The following EIF4G2 variants were observed in gnomAD, a reference collection of about 807,000 sequenced individuals.
EIF4G2 encodes the protein eukaryotic translation initiation factor 4 gamma 2.
EIF4G2 carries 8 observed loss-of-function variants against 117.7 expected under a neutral mutation model. The observed-to-expected ratio is 0.07, with a 90% CI of 0.04 to 0.12. The LOEUF is 0.12. Ranked by LOEUF, EIF4G2 falls within the 10% of genes least tolerant of loss-of-function variation. The pLI, the probability that EIF4G2 is intolerant of heterozygous loss-of-function variation, is 1.00. For synonymous variants in EIF4G2, 413 were observed against 367.8 expected (o/e 1.12, Z -1.41); for missense variants, 812 against 1,086.2 (o/e 0.75, Z 3.55).
chr11:10,799,100 G>C lies in EIF4G2; in HGVS notation c.2550C>G (p.Arg850=), dbSNP rs1590038465. ...CCATGTCATAGAAGTGCACAAAAAAGCGAAGTAACATGCCTTAAAAAAAAA... is the reference window on the plus strand; with the variant it reads ...CCATGTCATAGAAGTGCACAAAAAACCGAAGTAACATGCCTTAAAAAAAAA... The change falls in exon 21 of 22, where the codon CGC becomes CGG. Residue 850 remains arginine, a synonymous_variant. Transcript: ENST00000339995. 6.4e-7 allele frequency: 1 copy of C among 1,558,350 alleles called. No individual in the cohort carries two copies. The highest frequency in any genetic ancestry group is 8.6e-7 in the Non-Finnish European group (1 of 1,160,542).
chr11:10,803,724 G>T lies in EIF4G2; in HGVS notation c.703-134C>A, dbSNP rs1260676500. 2 of 1,114,784 alleles carry T rather than the reference G, an allele frequency of 1.8e-6. No individual in the cohort carries two copies. The highest frequency in any genetic ancestry group is 2.4e-5 in the East Asian group (1 of 41,268). The allele number at this position is 1,114,784 out of a possible 1,614,324, so 69.1% of individuals were successfully genotyped here. A position where few individuals can be genotyped will look rare whatever the true frequency, so the allele number is the denominator to read the frequency against. Reference sequence around the variant, plus strand: ...CTAGTATAGGGCTTTCTACCAGTCTGGTTGATCAGTTCTAACTCTACTTTG... The same window carrying T: ...CTAGTATAGGGCTTTCTACCAGTCTTGTTGATCAGTTCTAACTCTACTTTG... On this transcript the variant is annotated intron_variant, in intron 8 of 21. Transcript: ENST00000339995. The surrounding 1 kb of genome is among the most constrained non-coding windows in gnomAD (Gnocchi z 4.0).
In EIF4G2 at chr11:10,797,893, G is replaced by T; in HGVS notation, c.2659-12C>A. On this transcript the variant is annotated splice_polypyrimidine_tract_variant and intron_variant, in intron 21 of 21. Coordinates refer to ENST00000339995, the MANE Select transcript of EIF4G2 (RefSeq NM_001418.4). This position sits in a 1 kb window ranked among gnomAD's most constrained non-coding sequence, Gnocchi z 4.5. ...AGCCACTGATTCACCTATAAATTAA[G>T]ATTTGTAAATTAAAATAGTTCATGA... 1.9e-6 allele frequency: 3 copies of T among 1,612,032 alleles called. No homozygotes were observed. The highest frequency in any genetic ancestry group is 2.5e-6 in the Non-Finnish European group (3 of 1,178,986).
At chr11:10,801,437 G>C (rs990417341) in intron 14 of EIF4G2, 5 of 683,612 alleles carry the variant, frequency 7.3e-6, no homozygotes, top group African/African-American at 7.2e-5. Flanking sequence ...TTGACAACCA[G>C]TTTTCTTGCT....
At chr11:10,806,617 A>T in intron 3 of EIF4G2, 1 of 541,440 alleles carries the variant, frequency 1.8e-6, no homozygotes, top group Non-Finnish European at 3.3e-6. Flanking sequence ...GGAAAAAAAT[A>T]ACAGCTTGAG....
intron 17 of EIF4G2, 41 bp downstream of exon 17, chr11:10,800,391 G>A (rs1475236631): frequency 6.2e-7 from 1 of 1,612,436 alleles, no homozygotes; most frequent in African/African-American, 1.3e-5. Context: ...TCGAATTTGA[G>A]TGGTAAGAGT....
intron 1 of EIF4G2, chr11:10,808,198 G>C: frequency 8.9e-7 from 1 of 1,123,804 alleles, no homozygotes; most frequent in Non-Finnish European, 1.1e-6. Context: ...CTCCTCTGCT[G>C]ACAAAAGGGG....
intron 21 of EIF4G2, chr11:10,798,760 T>C (rs1289475266): frequency 4.5e-6 from 2 of 441,234 alleles, no homozygotes; most frequent in Non-Finnish European, 7.9e-6. Flanking sequence ...TATAAGTAGC[T>C]ATACTCCTTG....
chr11:10,802,830 G>A (rs1293577675), intron 11 of EIF4G2, among the ~76,000 whole-genome samples, 200 bp downstream of exon 11: 1 of 152,194 alleles, frequency 6.6e-6, no homozygotes, highest in Non-Finnish European at 1.5e-5. Flanking sequence ...ATGCGCCACT[G>A]CACTCCAGCC....
At chr11:10,806,245 C>A (rs900858611) in intron 3 of EIF4G2, 198 bp from the exon 4 acceptor site, 4 of 695,102 alleles carry the variant, frequency 5.8e-6, no homozygotes, top group African/African-American at 1.8e-5. Context: ...ATTGCTGGGC[C>A]CACCCAGTTT....
At chr11:10,805,055 C>T (rs1847524695) in intron 4 of EIF4G2, 40 bp from the exon 5 acceptor site, 2 of 1,489,040 alleles carry the variant, frequency 1.3e-6, no homozygotes, top group Non-Finnish European at 1.9e-6. Context: ...TTAGCTAATA[C>T]ACAGAATTTG....
At chr11:10,808,572 A>G in intron 1 of EIF4G2, 133 bp downstream of exon 1, 2 of 986,086 alleles carry the variant, frequency 2.0e-6, no homozygotes, top group South Asian at 1.8e-5. Flanking sequence ...TGAAGCGCAG[A>G]GGAAATGCTA....
In EIF4G2 at chr11:10,800,840, A is replaced by C; in HGVS notation, c.1540-5T>G. On this transcript the variant is annotated splice_region_variant and splice_polypyrimidine_tract_variant and intron_variant, in intron 15 of 21. Coordinates refer to ENST00000339995, the MANE Select transcript of EIF4G2 (RefSeq NM_001418.4). The stretch of plus-strand genomic sequence containing the variant: ...TTTGAGACCAAGCTGAGGTGTCTAA[A>C]AAACAAGCAATGACAGACTTTTTTT... The C allele has an allele frequency of 6.2e-7, 1 of 1,613,948 alleles. No homozygotes were observed. The highest frequency in any genetic ancestry group is 8.5e-7 in the Non-Finnish European group (1 of 1,179,930).
Position 10,804,335 on chromosome 11 carries a change from G to A in EIF4G2, c.435C>T (p.Asn145=). Residue 145 remains asparagine, a synonymous_variant, in exon 6 of 22, where the codon AAC becomes AAT. Coordinates refer to ENST00000339995, the MANE Select transcript of EIF4G2 (RefSeq NM_001418.4). ...GACCCTCTGCTGCTGGGCCATCAAAGTTTGGTGCATCTTCTGCCAATCGCA... is the reference window on the plus strand; with the variant it reads ...GACCCTCTGCTGCTGGGCCATCAAAATTTGGTGCATCTTCTGCCAATCGCA... 1.2e-6 allele frequency: 2 copies of A among 1,614,184 alleles called. No individual in the cohort carries two copies. The highest frequency in any genetic ancestry group is 8.5e-7 in the Non-Finnish European group (1 of 1,180,014).
intron 1 of EIF4G2, chr11:10,807,750 C>G (rs760839597): frequency 7.0e-5 from 69 of 991,470 alleles, no homozygotes; most frequent in Non-Finnish European, 7.7e-5. Flanking sequence ...ACTGCCTTGA[C>G]GAGGCCAGCG....
At chr11:10,808,246 G>C (rs1847650630) in intron 1 of EIF4G2, 1 of 1,163,888 alleles carries the variant, frequency 8.6e-7, no homozygotes, top group Non-Finnish European at 1.1e-6. Context: ...CCGACGAAGG[G>C]CAGCCCCTGC....
In EIF4G2 at chr11:10,799,319, T is replaced by C. The variant is rs753015240; in HGVS notation, c.2430A>G (p.Leu810=). The change falls in exon 20 of 22, where the codon CTA becomes CTG. Residue 810 remains leucine, a synonymous_variant. Transcript: ENST00000339995. ...ATTTCTGCATTACTGGCTTGAAAGATAGTAGTAGTTGTTTTTCCTGCTCTA... is the reference window on the plus strand; with the variant it reads ...ATTTCTGCATTACTGGCTTGAAAGACAGTAGTAGTTGTTTTTCCTGCTCTA... The C allele has an allele frequency of 3.7e-6, 6 of 1,613,906 alleles. No individual in the cohort carries two copies. The highest frequency in any genetic ancestry group is 1.1e-5 in the South Asian group (1 of 91,092).
At position 10,797,639 on chromosome 11, in the gene EIF4G2, G is replaced by A. The variant is rs746176685; in HGVS notation, c.*177C>T. 38 of 647,278 alleles carry A rather than the reference G, an allele frequency of 5.9e-5. No individual in the cohort carries two copies. Among genetic ancestry groups the A allele is most frequent in the African/African-American group, 3.6e-4 (20 of 55,244 alleles). 40.1% of individuals were successfully genotyped at this position (647,278 alleles called of 1,614,324 possible). On this transcript the variant is annotated 3_prime_UTR_variant, in exon 22 of 22. Coordinates refer to ENST00000339995, the MANE Select transcript of EIF4G2 (RefSeq NM_001418.4). The surrounding 1 kb of genome is among the most constrained non-coding windows in gnomAD (Gnocchi z 4.5). ...CCTAAAATATTTGATGGTAGACTAT[G>A]ATTAAGACATTACACTACAAAAAAA...
At chr11:10,805,744 T>C (rs1258256724) in intron 4 of EIF4G2, among the ~76,000 whole-genome samples, 163 bp downstream of exon 4, 4 of 152,042 alleles carry the variant, frequency 2.6e-5, no homozygotes, top group African/African-American at 2.4e-5. Flanking sequence ...TGAGCCACAG[T>C]GCCTGGCCAG....
At chr11:10,802,236 CA>C (rs1220555043) in intron 12 of EIF4G2, 27 bp from the exon 13 acceptor site, 7 of 1,611,914 alleles carry the variant, frequency 4.3e-6, no homozygotes, top group Non-Finnish European at 5.9e-6. Flanking sequence ...GGACAACTCT[CA>C]AAACTAAAGT....
Sources: gnomAD v4.1 joint callset for allele counts (sites outside exome capture counted in the v4.1 genomes callset) on GRCh38, gnomAD v4.1.1 for gene constraint, Gnocchi (gnomAD v3.1) non-coding constraint, MANE v1.5 for transcripts, NCBI Gene and HGNC (gene_info 2026-07-23, HGNC 2026-07-21) for gene names.